Variants in ABHD8 observed in about 807,000 individuals in gnomAD.
ABHD8 encodes the protein protein ABHD8.
In ABHD8, 10 loss-of-function variants were observed where a neutral mutation model predicts 29.3. The ratio of observed to expected loss-of-function variants is 0.34; its 90% confidence interval spans 0.21 to 0.58. The LOEUF (loss-of-function observed/expected upper bound fraction) is 0.58. ABHD8 is among the 20% of genes least tolerant of loss of function. The pLI, the probability that ABHD8 is intolerant of heterozygous loss-of-function variation, is 0.85. For synonymous variants in ABHD8, 282 were observed against 274.6 expected (o/e 1.03, Z -0.27); for missense variants, 556 against 615.3 (o/e 0.90, Z 1.02).
chr19:17,297,165 C>T (rs1315728587), intron 2 of ABHD8, among the ~76,000 whole-genome samples: 1 of 152,204 alleles, frequency 6.6e-6, no homozygotes, highest in Non-Finnish European at 1.5e-5. Flanking sequence ...TCAGGGACTT[C>T]CTGTATGCCT....
Position 17,292,204 on chromosome 19 carries a change from C to A in ABHD8, c.*457G>T. On this transcript the variant is annotated 3_prime_UTR_variant, in exon 5 of 5. Coordinates refer to ENST00000247706, the MANE Select transcript of ABHD8 (RefSeq NM_024527.5). Reference sequence around the variant, plus strand: ...TCGGTGGCGCCAGCCCCCCCATCCCCCCCCCTTGGGCAAAAATAGCTCCCA... The same window carrying A: ...TCGGTGGCGCCAGCCCCCCCATCCCACCCCCTTGGGCAAAAATAGCTCCCA... The A allele has an allele frequency of 1.0e-5, 2 of 195,094 alleles. No individual in the cohort carries two copies. Among genetic ancestry groups the A allele is most frequent in the South Asian group, 1.8e-4 (1 of 5,696 alleles). The allele number at this position is 195,094 out of a possible 1,614,324, so 12.1% of individuals were successfully genotyped here. A position where few individuals can be genotyped will look rare whatever the true frequency, so the allele number is the denominator to read the frequency against.
chr19:17,301,327 C>G lies in ABHD8; in HGVS notation c.290G>C (p.Arg97Pro), dbSNP rs755787357. The G allele has an allele frequency of 2.5e-6, 4 of 1,607,854 alleles. No individual in the cohort carries two copies. In the African/African-American group the frequency reaches 4.0e-5, roughly 16 times the overall value. Residue 97 changes from arginine to proline, a missense_variant, in exon 2 of 5, where the codon CGA becomes CCA. Physicochemically the swap from Arg to Pro is moderately radical, Grantham distance 103. This residue lies in a region of ABHD8 where 286 missense variants were observed against 261.4 expected (regional missense o/e 1.09). Coordinates refer to ENST00000247706, the MANE Select transcript of ABHD8 (RefSeq NM_024527.5). ...NGRLLVENLGRAPRADLLHGQ... is the reference protein window; with the variant it reads ...NGRLLVENLGPAPRADLLHGQ... The stretch of plus-strand genomic sequence containing the variant: ...GTGTAGGAGGTCGGCTCGAGGGGCT[C>G]GGCCCAGGTTTTCCACCAGCAACCG...
intron 4 of ABHD8, among the ~76,000 whole-genome samples, chr19:17,293,894 A>T (rs2074081764): frequency 6.6e-6 from 1 of 152,064 alleles, no homozygotes; most frequent in South Asian, 2.1e-4. Flanking sequence ...AAGGATCCCC[A>T]GACCCTTTCT....
intron 2 of ABHD8, 38 bp from the exon 3 acceptor site, chr19:17,294,883 G>T: frequency 1.9e-6 from 3 of 1,601,816 alleles, no homozygotes; most frequent in Non-Finnish European, 2.6e-6. Context: ...GGATTGAAGG[G>T]AGGCGGTCAG....
At chr19:17,296,254 A>G (rs2145653895) in intron 2 of ABHD8, 1 of 152,078 alleles carries the variant, frequency 6.6e-6, no homozygotes, top group Non-Finnish European at 1.5e-5. Flanking sequence ...GGGTCTCACT[A>G]TGTTGCCCAG....
At chr19:17,295,890 T>C (rs2145653479) in intron 2 of ABHD8, among the ~76,000 whole-genome samples, 1 of 152,300 alleles carries the variant, frequency 6.6e-6, no homozygotes, top group South Asian at 2.1e-4. Context: ...AAAAATTTTT[T>C]TATAAAGACA....
intron 2 of ABHD8, chr19:17,298,458 A>G (rs2074102755): frequency 6.6e-6 from 1 of 152,176 alleles, no homozygotes; most frequent in African/African-American, 2.4e-5. Context: ...CCTAGAATTT[A>G]CAGGATTCCG....
rs1555721124 is a variant in ABHD8 at position 17,301,810 on chromosome 19, T to TGTG, written c.-8-187_-8-186insCAC. Among the ~76,000 whole-genome samples, 387 of 119,570 alleles carry TGTG rather than the reference T, an allele frequency of 3.2e-3. 1 individual carries two copies. Among genetic ancestry groups the TGTG allele is most frequent in the African/African-American group, 0.013 (336 of 25,636 alleles). The allele number at this position is 119,570 out of a possible 152,430, so 78.4% of individuals were successfully genotyped here. On this transcript the variant is annotated intron_variant, in intron 1 of 4. Coordinates refer to ENST00000247706, the MANE Select transcript of ABHD8 (RefSeq NM_024527.5). ...TGTGTGTGTGTGTGTGTGTGTGTGT[T>TGTG]TTTGAGACAGTCTCGCTTTGTCATC...
Position 17,294,321 on chromosome 19 carries a change from A to G in ABHD8, c.1116T>C (p.Phe372=), listed in dbSNP as rs145137671. The change falls in exon 4 of 5, where the codon TTT becomes TTC. Residue 372 remains phenylalanine (F), a synonymous_variant. Transcript: ENST00000247706. ...TGCGCTGGTCTTCCTCCACCGGCAC[A>G]AACTTATCGTGCATGCCGTGGACAA... The part of the protein sequence containing the change: ...VLLVHGMHDK[F]VPVEEDQRMA... 162 of 1,610,402 alleles carry G rather than the reference A, an allele frequency of 1.0e-4. No individual in the cohort carries two copies. In the African/African-American group the frequency reaches 1.9e-3, roughly 18 times the overall value.
intron 4 of ABHD8, 69 bp downstream of exon 4, chr19:17,294,218 AG>A: frequency 1.3e-6 from 2 of 1,534,440 alleles, no homozygotes; most frequent in Non-Finnish European, 1.8e-6. Context: ...CGCCCCCCGC[AG>A]AGGCCACGCC....
chr19:17,301,744 TC>T (rs1358222935), intron 1 of ABHD8, 120 bp from the exon 2 acceptor site: 4 of 1,197,900 alleles, frequency 3.3e-6, no homozygotes, highest in Non-Finnish European at 4.4e-6. Flanking sequence ...GAGCGCCAGA[TC>T]AAGTGAGCCA....
chr19:17,294,429 G>A lies in ABHD8; in HGVS notation c.1008C>T (p.Phe336=), dbSNP rs2074084443. ...KEGNAFNVSS[F]VLRAMMSGQY... ...GGCCGCTCATCATGGCCCGGAGTAC[G>A]AAGGATGACACGTTGAAAGCGTTGC... is the stretch of plus-strand genomic sequence containing the variant. Residue 336 remains phenylalanine, a synonymous_variant, in exon 4 of 5, where the codon TTC becomes TTT. Coordinates refer to ENST00000247706, the MANE Select transcript of ABHD8 (RefSeq NM_024527.5). The A allele has an allele frequency of 3.7e-6, 6 of 1,614,136 alleles. No individual in the cohort carries two copies. Among genetic ancestry groups the A allele is most frequent in the Non-Finnish European group, 5.1e-6 (6 of 1,180,014 alleles).
Position 17,301,598 on chromosome 19 carries a change from C to A in ABHD8, c.19G>T (p.Asp7Tyr). Residue 7 changes from aspartate (D) to tyrosine (Y), a missense_variant, in exon 2 of 5, where the codon GAC (aspartate) becomes TAC (tyrosine). By Grantham distance (160) the Asp-to-Tyr change is radical. Around this residue, in one of 2 missense-constraint regions of ABHD8, gnomAD observed 286 missense variants for 261.4 expected, o/e 1.09. Transcript: ENST00000247706. MLTGVT[D>Y]GIFCCLLGTP... ...CCCAGCAGGCAACAGAAGATACCGT[C>A]GGTCACCCCGGTCAGCATGGTGTGT... 1.3e-6 allele frequency: 2 copies of A among 1,553,992 alleles called. No individual in the cohort carries two copies. The highest frequency in any genetic ancestry group is 8.7e-7 in the Non-Finnish European group (1 of 1,151,078).
At chr19:17,294,600 C>T in intron 3 of ABHD8, 75 bp downstream of exon 3, 2 of 1,606,498 alleles carry the variant, frequency 1.2e-6, no homozygotes, top group Non-Finnish European at 1.7e-6. Context: ...GTACAGTCCC[C>T]CCTCCCATCC....
Position 17,292,474 on chromosome 19 carries a change from G to A in ABHD8, c.*187C>T, listed in dbSNP as rs1006783173. 1 of 654,250 alleles carries A rather than the reference G, an allele frequency of 1.5e-6. No homozygotes were observed. Among genetic ancestry groups the A allele is most frequent in the Admixed American group, 3.7e-5 (1 of 27,124 alleles). The allele number at this position is 654,250 out of a possible 1,614,324, so 40.5% of individuals were successfully genotyped here. On this transcript the variant is annotated 3_prime_UTR_variant, in exon 5 of 5. Transcript: ENST00000247706. ...GCCCCGCGGGACGGAAGCGGAGAGC[G>A]GAATGTCCGCTGGGCTCCCTCGGAT...
At chr19:17,296,761 C>G (rs1338975275) in intron 2 of ABHD8, 1 of 149,072 alleles carries the variant, frequency 6.7e-6, no homozygotes, top group Non-Finnish European at 1.5e-5. Flanking sequence ...GTGGCGCGAT[C>G]TCGGCTCACT....
chr19:17,293,849 T>C (rs2074081585), intron 4 of ABHD8, among the ~76,000 whole-genome samples: 1 of 152,026 alleles, frequency 6.6e-6, no homozygotes, highest in Admixed American at 6.6e-5. Flanking sequence ...GTGAACCACC[T>C]CGCCGGGCTA....
intron 2 of ABHD8, among the ~76,000 whole-genome samples, chr19:17,297,119 A>G (rs1050545801): frequency 9.9e-5 from 15 of 152,230 alleles, no homozygotes; most frequent in Non-Finnish European, 1.8e-4. Context: ...GTAATGAGGA[A>G]AGGATACAGA....
Position 17,301,539 on chromosome 19 carries a change from G to T in ABHD8, c.78C>A (p.Ser26Arg). ...AGGTGTAGCCATCGCTGGACTCGAC[G>T]CTCTCCAGTGGCCCCACGGCGTTGG... ...TPPNAVGPLE[S>R]VESSDGYTFV... is the part of the protein sequence containing the mutation. The change falls in exon 2 of 5, where the codon AGC becomes AGA. Residue 26 changes from serine to arginine, a missense_variant. Transcript: ENST00000247706. 6.2e-7 allele frequency: 1 copy of T among 1,609,616 alleles called. No homozygotes were observed. The highest frequency in any genetic ancestry group is 2.2e-5 in the East Asian group (1 of 44,794).
Sources: allele counts gnomAD v4.1 joint callset (sites outside exome capture counted in the v4.1 genomes callset), GRCh38; gene constraint gnomAD v4.1.1; regional missense constraint gnomAD v4.1.1; transcripts MANE v1.5; gene names NCBI Gene and HGNC (gene_info 2026-07-23, HGNC 2026-07-21).